Variants in MKKS observed in about 807,000 individuals in gnomAD.
MKKS encodes molecular chaperone MKKS.
In MKKS, 29 loss-of-function variants were observed where a neutral mutation model predicts 33.2. The observed-to-expected ratio is 0.87, with a 90% CI of 0.65 to 1.19. The LOEUF (loss-of-function observed/expected upper bound fraction) is 1.19, where lower values mean the gene tolerates loss of function less well. Among genes scored for constraint, MKKS ranks in the 50% most tolerant of loss-of-function variants. MKKS has a pLI of 0.00. For missense variants in MKKS, 661 were observed against 662.3 expected (o/e 1.00, Z 0.02); for synonymous variants, 260 against 244.0 (o/e 1.07, Z -0.61).
At chr20:10,419,426 A>G (rs2064963902) in intron 2 of MKKS, among the ~76,000 whole-genome samples, 1 of 152,186 alleles carries the variant, frequency 6.6e-6, no homozygotes, top group African/African-American at 2.4e-5. Context: ...ACAAATGCCA[A>G]TAAAATTTCT....
intron 1 of MKKS, among the ~76,000 whole-genome samples, chr20:10,424,707 A>T (rs1242222546): frequency 1.3e-5 from 2 of 152,264 alleles, no homozygotes; most frequent in Non-Finnish European, 2.9e-5. Flanking sequence ...TGGGGATACA[A>T]TTTAAATTTA....
At position 10,413,379 on chromosome 20, in the gene MKKS, G is replaced by A; in HGVS notation, c.136C>T (p.Leu46=). Residue 46 remains leucine, a synonymous_variant, in exon 3 of 6, where the codon CTG becomes TTG. Transcript: ENST00000347364. ...ACGTAACCTCCAAAGCCATTGTGCA[G>A]CTGCTTCAGCCTACCTGAGGGGCCA... ...CYGPSGRLKQ[L]HNGFGGYVCT... is the part of the protein sequence containing the mutation. 1 of 1,613,122 alleles carries A rather than the reference G, an allele frequency of 6.2e-7. No homozygotes were observed.
chr20:10,405,053 T>C lies in MKKS; in HGVS notation c.*194A>G, dbSNP rs1314208928. ...ATATTTTTAAATAAATAATGCTTCA[T>C]ATTTTTATTGTTTCATGGCATTTCC... On this transcript the variant is annotated 3_prime_UTR_variant, in exon 6 of 6. Coordinates refer to ENST00000347364, the MANE Select transcript of MKKS (RefSeq NM_170784.3). The C allele has an allele frequency of 4.1e-6, 2 of 493,270 alleles. No individual in the cohort carries two copies. Among genetic ancestry groups the C allele is most frequent in the Non-Finnish European group, 7.1e-6 (2 of 281,528 alleles). 30.6% of individuals were successfully genotyped at this position (493,270 alleles called of 1,614,324 possible). A position where few individuals can be genotyped will look rare whatever the true frequency, so the allele number is the denominator to read the frequency against.
At chr20:10,414,857 T>C (rs1001486938) in intron 2 of MKKS, among the ~76,000 whole-genome samples, 6 of 152,210 alleles carry the variant, frequency 3.9e-5, no homozygotes, top group African/African-American at 1.4e-4. Flanking sequence ...GCTAATTTTC[T>C]ATCATTTTAC....
At chr20:10,407,078 T>A (rs2064848675) in intron 5 of MKKS, among the ~76,000 whole-genome samples, 1 of 152,194 alleles carries the variant, frequency 6.6e-6, no homozygotes, top group African/African-American at 2.4e-5. Flanking sequence ...CTATTTAGTA[T>A]AATTAATAAA....
chr20:10,407,941 CA>C (rs2064854595), intron 4 of MKKS, among the ~76,000 whole-genome samples: 1 of 152,186 alleles, frequency 6.6e-6, no homozygotes, highest in African/African-American at 2.4e-5. Context: ...AGTTTGTTTT[CA>C]CGGAGCCAGA....
chr20:10,403,048 A>G lies in MKKS; in HGVS notation c.*2199T>C, dbSNP rs1314723921. 1 of 152,164 alleles carries G rather than the reference A, an allele frequency of 6.6e-6. No homozygotes were observed. The highest frequency in any genetic ancestry group is 2.4e-5 in the African/African-American group (1 of 41,426). The allele number at this position is 152,164 out of a possible 1,614,324, so 9.4% of individuals were successfully genotyped here. ...CAGTGGTAGGGCTATACTCAACTCA[A>G]GGTTCCACTGGGGAGAACCTGCTTC... On this transcript the variant is annotated 3_prime_UTR_variant, in exon 6 of 6. Coordinates refer to ENST00000347364, the MANE Select transcript of MKKS (RefSeq NM_170784.3).
chr20:10,428,126 TAAC>T (rs1321137123), intron 1 of MKKS, among the ~76,000 whole-genome samples: 1 of 152,228 alleles, frequency 6.6e-6, no homozygotes, highest in African/African-American at 2.4e-5. Context: ...AGCAAGTGAT[TAAC>T]AACTAATGAG....
Position 10,407,549 on chromosome 20 carries a change from G to C in MKKS, c.1272+67C>G, listed in dbSNP as rs184857891. The C allele has an allele frequency of 3.7e-6, 5 of 1,349,668 alleles. No homozygotes were observed. The South Asian group carries it at 6.1e-5, about 17-fold the overall frequency. 83.6% of individuals were successfully genotyped at this position (1,349,668 alleles called of 1,614,324 possible). A position where few individuals can be genotyped will look rare whatever the true frequency, so the allele number is the denominator to read the frequency against. ...AAGACTATAGGATATTATGATTTTG[G>C]CTTATTATCTCAGAAAACAAAAGTT... On this transcript the variant is annotated intron_variant, in intron 5 of 5. Transcript: ENST00000347364.
At chr20:10,412,341 A>G (rs1020599963) in intron 3 of MKKS, among the ~76,000 whole-genome samples, 189 bp downstream of exon 3, 1 of 152,208 alleles carries the variant, frequency 6.6e-6, no homozygotes, top group African/African-American at 2.4e-5. Flanking sequence ...GAAAATGGCT[A>G]TAATCACTGC....
At chr20:10,430,597 T>G (rs969863745) in intron 1 of MKKS, among the ~76,000 whole-genome samples, 13 of 152,192 alleles carry the variant, frequency 8.5e-5, no homozygotes, top group Non-Finnish European at 1.6e-4. Context: ...CAGTTTCAGT[T>G]AGTTAGCTAA....
intron 1 of MKKS, among the ~76,000 whole-genome samples, chr20:10,427,827 A>C (rs765033099): frequency 3.9e-5 from 6 of 152,234 alleles, no homozygotes; most frequent in Non-Finnish European, 8.8e-5. Context: ...CCCATGGATC[A>C]TAATTGAGTT....
At chr20:10,421,057 T>C (rs925391385) in intron 1 of MKKS, among the ~76,000 whole-genome samples, 2 of 152,164 alleles carry the variant, frequency 1.3e-5, no homozygotes, top group Non-Finnish European at 1.5e-5. Context: ...CACACATGCA[T>C]GGAGTGTTCT....
rs2064903228 is a variant in MKKS at position 10,412,921 on chromosome 20, CTT to C, written c.592_593del (p.Lys198GlufsTer23). On this transcript the variant is annotated frameshift_variant, in exon 3 of 6. Coordinates refer to ENST00000347364, the MANE Select transcript of MKKS (RefSeq NM_170784.3). LOFTEE classifies it high-confidence loss of function. ...GACCTTTTAAAGGTACAATTAAACTCTTTCCTAAAATGATGTGGCCTTCAGCA... is the reference window on the plus strand; with the variant it reads ...GACCTTTTAAAGGTACAATTAAACTCTCCTAAAATGATGTGGCCTTCAGCA... ...ENAEGHIILGKSLIVPLKGQR... is the reference protein window; with the variant it reads ...ENAEGHIILGXSLIVPLKGQR... 3 of 1,613,600 alleles carry C rather than the reference CTT, an allele frequency of 1.9e-6. No individual in the cohort carries two copies. The highest frequency in any genetic ancestry group is 2.5e-6 in the Non-Finnish European group (3 of 1,179,778).
intron 2 of MKKS, among the ~76,000 whole-genome samples, chr20:10,420,136 T>C (rs975789190): frequency 3.9e-5 from 6 of 152,236 alleles, no homozygotes; most frequent in African/African-American, 1.4e-4. Context: ...GCTAAAATAG[T>C]TGATGTTAAG....
chr20:10,407,556 A>T, intron 5 of MKKS, 60 bp downstream of exon 5: 2 of 1,437,728 alleles, frequency 1.4e-6, no homozygotes, highest in Non-Finnish European at 1.9e-6. Context: ...TTGGCTTATT[A>T]TCTCAGAAAA....
rs1197926373 is a variant in MKKS, at chr20:10,413,796, C to T, written c.-282G>A. 1.8e-6 allele frequency: 1 copy of T among 550,700 alleles called. No homozygotes were observed. Among genetic ancestry groups the T allele is most frequent in the African/African-American group, 1.9e-5 (1 of 52,940 alleles). The allele number at this position is 550,700 out of a possible 1,614,324, so 34.1% of individuals were successfully genotyped here. ...AAATTTTACAGACTGCTTTGCAGAC[C>T]TCTGCAAAAAGTATGTTCCAAGATG... On this transcript the variant is annotated 5_prime_UTR_variant, in exon 3 of 6. Transcript: ENST00000347364.
intron 5 of MKKS, 132 bp downstream of exon 5, chr20:10,407,484 T>A: frequency 1.3e-6 from 1 of 752,544 alleles, no homozygotes; most frequent in Non-Finnish European, 2.3e-6. Flanking sequence ...ATAACAAACC[T>A]ATACATGCAC....
chr20:10,407,352 A>G (rs2064850333), intron 5 of MKKS, among the ~76,000 whole-genome samples: 1 of 152,168 alleles, frequency 6.6e-6, no homozygotes, highest in Non-Finnish European at 1.5e-5. Context: ...TATTTTTATA[A>G]TAATCATTGT....
Sources: allele counts gnomAD v4.1 joint callset (sites outside exome capture counted in the v4.1 genomes callset), GRCh38; gene constraint gnomAD v4.1.1; transcripts MANE v1.5; gene names NCBI Gene and HGNC (gene_info 2026-07-23, HGNC 2026-07-21).